The following CHDH variants were observed in gnomAD, a reference collection of about 807,000 sequenced individuals.
CHDH encodes choline dehydrogenase, mitochondrial.
Under a neutral mutation model 56.9 loss-of-function variants are expected in CHDH, and 43 were observed. The observed-to-expected ratio is 0.76, with a 90% CI of 0.59 to 0.97. The LOEUF (loss-of-function observed/expected upper bound fraction) is 0.97, where lower values mean the gene tolerates loss of function less well. Among genes scored for constraint, CHDH ranks in the 50% least tolerant of loss-of-function variants. The probability of loss-of-function intolerance (pLI) is 0.00; values close to 1 mark genes in which losing one functional copy is unlikely to be tolerated. For synonymous variants in CHDH, 364 were observed against 348.5 expected (o/e 1.04, Z -0.50); for missense variants, 816 against 821.1 (o/e 0.99, Z 0.08).
At chr3:53,820,775 G>A (rs2095624760) in intron 5 of CHDH, among the ~76,000 whole-genome samples, 167 bp from the exon 6 acceptor site, 1 of 152,230 alleles carries the variant, frequency 6.6e-6, no homozygotes, top group Non-Finnish European at 1.5e-5. Flanking sequence ...GACACTATGT[G>A]TGCACTCCTG....
rs891507283 is a variant in CHDH at position 53,813,994 on chromosome 3, C to T, written c.*3783G>A. On this transcript the variant is annotated 3_prime_UTR_variant, in exon 9 of 9. Coordinates refer to ENST00000315251, the MANE Select transcript of CHDH (RefSeq NM_018397.5). The stretch of plus-strand genomic sequence containing the variant: ...CAGCCTATGGACTCCGACATCCACC[C>T]AGACAGCTGGATCTCGCTTCACCAT... 3.9e-5 allele frequency: 6 copies of T among 152,244 alleles called. No homozygotes were observed. Among genetic ancestry groups the T allele is most frequent in the African/African-American group, 1.2e-4 (5 of 41,460 alleles). The allele number at this position is 152,244 out of a possible 1,614,324, so 9.4% of individuals were successfully genotyped here.
At chr3:53,830,717 G>C (rs1353422310) in intron 2 of CHDH, among the ~76,000 whole-genome samples, 1 of 152,106 alleles carries the variant, frequency 6.6e-6, no homozygotes, top group East Asian at 1.9e-4. Context: ...AGTGCACATG[G>C]AACATTCTCC....
At chr3:53,828,068 C>A (rs1242664529) in intron 2 of CHDH, among the ~76,000 whole-genome samples, 1 of 151,288 alleles carries the variant, frequency 6.6e-6, no homozygotes, top group African/African-American at 2.4e-5. Flanking sequence ...AGAAATAGAC[C>A]CATATAAATG....
chr3:53,817,888 G>A lies in CHDH; in HGVS notation c.1674C>T (p.Ala558=), dbSNP rs1350299536. 3.1e-6 allele frequency: 5 copies of A among 1,614,080 alleles called. No individual in the cohort carries two copies. The African/African-American group carries it at 4.0e-5, about 13-fold the overall frequency. Residue 558 remains alanine (A), a synonymous_variant, in exon 9 of 9, where the codon GCC becomes GCT. Coordinates refer to ENST00000315251, the MANE Select transcript of CHDH (RefSeq NM_018397.5). ...MPSMVSGNLN[A]PTIMIAEKAA... ...CCTTCTCTGCGATCATGATTGTGGG[G>A]GCGTTCAGGTTGCCGCTGACCATGC... is the stretch of plus-strand genomic sequence containing the variant.
chr3:53,833,389 T>C (rs1049617182), intron 2 of CHDH, among the ~76,000 whole-genome samples: 19 of 152,240 alleles, frequency 1.2e-4, no homozygotes, highest in East Asian at 1.2e-3. Context: ...GGGAACTCCT[T>C]GAGGACAGGG....
intron 2 of CHDH, among the ~76,000 whole-genome samples, chr3:53,828,529 C>G (rs1472212722): frequency 6.6e-6 from 1 of 152,202 alleles, no homozygotes; most frequent in Non-Finnish European, 1.5e-5. Context: ...TGTAAATACA[C>G]AAATAAATAT....
chr3:53,822,476 C>T lies in CHDH; in HGVS notation c.855+15G>A. 1 of 1,599,544 alleles carries T rather than the reference C, an allele frequency of 6.3e-7. No individual in the cohort carries two copies. Among genetic ancestry groups the T allele is most frequent in the Non-Finnish European group, 8.5e-7 (1 of 1,169,598 alleles). On this transcript the variant is annotated intron_variant, in intron 4 of 8. Coordinates refer to ENST00000315251, the MANE Select transcript of CHDH (RefSeq NM_018397.5). ...CCACCCCCTTCTTCCAGGACCCCAG[C>T]TGCAGTCCACTCACCCTGTGGCTCT...
intron 5 of CHDH, among the ~76,000 whole-genome samples, chr3:53,820,908 A>G (rs962248375): frequency 2.0e-5 from 3 of 152,170 alleles, no homozygotes; most frequent in African/African-American, 7.2e-5. Context: ...GGCAGGGCCT[A>G]CGCCTTCAGC....
chr3:53,835,673 C>T (rs988328208), intron 2 of CHDH, among the ~76,000 whole-genome samples: 2 of 152,202 alleles, frequency 1.3e-5, no homozygotes, highest in Non-Finnish European at 2.9e-5. Flanking sequence ...GAACACACTG[C>T]TCTGTGGCTG....
rs772762599 is a variant in CHDH, at chr3:53,819,568, G to GTCAA, written c.1223_1226dup (p.His410Ter). 1.2e-6 allele frequency: 2 copies of GTCAA among 1,612,782 alleles called. No individual in the cohort carries two copies. Among genetic ancestry groups the GTCAA allele is most frequent in the Admixed American group, 1.7e-5 (1 of 59,896 alleles). On this transcript the variant is annotated stop_gained and frameshift_variant, in exon 7 of 9. Transcript: ENST00000315251. LOFTEE classifies it high-confidence loss of function. The surrounding 1 kb of genome is among the most constrained non-coding windows in gnomAD (Gnocchi z 5.4). ...CCTGCTGGGTGGGGACCCGCCCGTG[G>GTCAA]TCAATCACTTGGGATGGCAGGAAAT... is the stretch of plus-strand genomic sequence containing the variant.
chr3:53,845,650 G>C (rs944256886), intron 1 of CHDH, among the ~76,000 whole-genome samples: 3 of 152,166 alleles, frequency 2.0e-5, no homozygotes, highest in South Asian at 2.1e-4. Context: ...GTTAAATGCA[G>C]ATCCCGGGCC....
At chr3:53,832,822 T>G (rs1424467505) in intron 2 of CHDH, among the ~76,000 whole-genome samples, 6 of 152,208 alleles carry the variant, frequency 3.9e-5, no homozygotes, top group Non-Finnish European at 5.9e-5. Context: ...ACAGAGCTTC[T>G]GTTTGAGGTG....
Position 53,816,985 on chromosome 3 carries a change from A to C in CHDH, c.*792T>G, listed in dbSNP as rs1371869948. 2 of 152,142 alleles carry C rather than the reference A, an allele frequency of 1.3e-5. No homozygotes were observed. Among genetic ancestry groups the C allele is most frequent in the South Asian group, 2.1e-4 (1 of 4,820 alleles). 9.4% of individuals were successfully genotyped at this position (152,142 alleles called of 1,614,324 possible). A position where few individuals can be genotyped will look rare whatever the true frequency, so the allele number is the denominator to read the frequency against. On this transcript the variant is annotated 3_prime_UTR_variant, in exon 9 of 9. Transcript: ENST00000315251. ...CTCAGCCTCCCAAGTAGCTGGGACT[A>C]CAGGTGTGTACCACCATGCCCAGCT...
rs115218486 is a variant in CHDH, at chr3:53,822,645, G to A, written c.704-3C>T. 8.7e-4 allele frequency: 1,401 copies of A among 1,606,588 alleles called. 14 individuals carry two copies. The African/African-American group carries it at 0.016, about 19-fold the overall frequency. On this transcript the variant is annotated splice_region_variant and splice_polypyrimidine_tract_variant and intron_variant, in intron 3 of 8. Transcript: ENST00000315251. ...ACAGGCCGCGCTCCACCGTTTGCCT[G>A]CAGGATGGAGTGAGGTGGTCAGGCA...
chr3:53,818,018 G>A lies in CHDH; in HGVS notation c.1544C>T (p.Thr515Ile). ...KADSAYHPSC[T>I]CKMGQPSDPT... ...ATCGGAGGGCTGGCCCATCTTACAGGTGCACGAGGGGTGGTAGGCGCTGTC... is the reference window on the plus strand; with the variant it reads ...ATCGGAGGGCTGGCCCATCTTACAGATGCACGAGGGGTGGTAGGCGCTGTC... Residue 515 changes from threonine to isoleucine, a missense_variant, in exon 9 of 9, where the codon ACC becomes ATC. Physicochemically the swap from Thr to Ile is moderately conservative, Grantham distance 89. Coordinates refer to ENST00000315251, the MANE Select transcript of CHDH (RefSeq NM_018397.5). 6.2e-7 allele frequency: 1 copy of A among 1,614,206 alleles called. No homozygotes were observed. Among genetic ancestry groups the A allele is most frequent in the Non-Finnish European group, 8.5e-7 (1 of 1,180,030 alleles).
rs1332234944 is a variant in CHDH at position 53,818,083 on chromosome 3, C to G, written c.1479G>C (p.Gln493His). 1 of 1,614,220 alleles carries G rather than the reference C, an allele frequency of 6.2e-7. No individual in the cohort carries two copies. Residue 493 changes from glutamine (Q) to histidine (H), a missense_variant, in exon 9 of 9, where the codon CAG becomes CAC. Gln to His is a conservative substitution (Grantham distance 24, BLOSUM62 0). Coordinates refer to ENST00000315251, the MANE Select transcript of CHDH (RefSeq NM_018397.5). ...CAAAGGCATCTATCTCTTTATCTGA[C>G]TGAATGTGGCTTCCTGGCTGGAGCT... ...GKELQPGSHI[Q>H]SDKEIDAFVR...
intron 1 of CHDH, 103 bp from the exon 2 acceptor site, chr3:53,841,102 G>A (rs1156846276): frequency 6.6e-6 from 1 of 152,162 alleles, no homozygotes; most frequent in African/African-American, 2.4e-5. Context: ...TAAGCAGATA[G>A]TGGGCTTATC....
chr3:53,820,487 G>T lies in CHDH; in HGVS notation c.1107C>A (p.Leu369=). ...AAGCGTGCTCACCTGTGAATTTCCA[G>T]AGCCACTCCAGACCAATGCAGACCT... ...LRKVCIGLEW[L]WKFTGEGATA... Residue 369 remains leucine, a synonymous_variant, in exon 6 of 9, where the codon CTC becomes CTA. Transcript: ENST00000315251. 2 of 1,612,662 alleles carry T rather than the reference G, an allele frequency of 1.2e-6. No homozygotes were observed. Among genetic ancestry groups the T allele is most frequent in the Non-Finnish European group, 1.7e-6 (2 of 1,179,268 alleles).
At chr3:53,832,255 G>A (rs1698356666) in intron 2 of CHDH, among the ~76,000 whole-genome samples, 1 of 152,166 alleles carries the variant, frequency 6.6e-6, no homozygotes, top group South Asian at 2.1e-4. Flanking sequence ...AGTAGGGCCG[G>A]GCATGGTGGC....
Sources: allele counts gnomAD v4.1 joint callset (sites outside exome capture counted in the v4.1 genomes callset), GRCh38; gene constraint gnomAD v4.1.1; non-coding constraint Gnocchi (gnomAD v3.1); transcripts MANE v1.5; gene names NCBI Gene and HGNC (gene_info 2026-07-23, HGNC 2026-07-21).